The following LAMA2 variants were observed in gnomAD, a reference collection of about 807,000 sequenced individuals.
LAMA2 encodes the protein laminin subunit alpha 2.
Under a neutral mutation model 364.8 loss-of-function variants are expected in LAMA2, and 269 were observed. The ratio of observed to expected loss-of-function variants is 0.74; its 90% CI spans 0.67 to 0.82. The LOEUF (loss-of-function observed/expected upper bound fraction) is 0.82, where lower values mean the gene tolerates loss of function less well. LAMA2 is among the 40% of genes least tolerant of loss of function. The probability of loss-of-function intolerance (pLI) is 0.00; values close to 1 mark genes in which losing one functional copy is unlikely to be tolerated. For missense variants in LAMA2, 3,807 were observed against 3,873.2 expected (o/e 0.98, Z 0.45); for synonymous variants, 1,379 against 1,370.6 (o/e 1.01, Z -0.14).
intron 3 of LAMA2, among the ~76,000 whole-genome samples, chr6:129,090,561 C>T (rs1312430428): frequency 6.6e-6 from 1 of 152,100 alleles, no homozygotes; most frequent in Non-Finnish European, 1.5e-5. Flanking sequence ...TTTTAACTTC[C>T]TTGCAACTTA....
At chr6:129,320,202 A>C (rs910419720) in intron 27 of LAMA2, among the ~76,000 whole-genome samples, 18 of 152,174 alleles carry the variant, frequency 1.2e-4, no homozygotes, top group Middle Eastern at 3.4e-3. Context: ...AAATATATTA[A>C]GTGGAAGTGG....
intron 1 of LAMA2, among the ~76,000 whole-genome samples, chr6:129,029,949 C>G (rs1284835998): frequency 6.6e-6 from 1 of 152,116 alleles, no homozygotes; most frequent in African/African-American, 2.4e-5. Flanking sequence ...AAGGCCACCT[C>G]TGGTTCTCAG....
At chr6:129,483,733 G>A (rs1214979850) in intron 55 of LAMA2, among the ~76,000 whole-genome samples, 1 of 152,162 alleles carries the variant, frequency 6.6e-6, no homozygotes, top group Non-Finnish European at 1.5e-5. Context: ...GTAAAGTTTT[G>A]TATTGTGGAG....
At chr6:129,098,996 C>G (rs1314529569) in intron 4 of LAMA2, among the ~76,000 whole-genome samples, 1 of 152,112 alleles carries the variant, frequency 6.6e-6, no homozygotes, top group Non-Finnish European at 1.5e-5. Context: ...ATATGTTCTT[C>G]TCCAGTGTCT....
chr6:129,057,704 A>G (rs550434037), intron 2 of LAMA2, among the ~76,000 whole-genome samples: 1 of 152,338 alleles, frequency 6.6e-6, no homozygotes, highest in Non-Finnish European at 1.5e-5. Flanking sequence ...TGGTGGAGCC[A>G]GGAGGAATAT....
chr6:129,502,486 C>G (rs577479650), intron 58 of LAMA2, among the ~76,000 whole-genome samples, 173 bp from the exon 59 acceptor site: 74 of 152,310 alleles, frequency 4.9e-4, no homozygotes, highest in African/African-American at 1.6e-3. Flanking sequence ...CTGATTCACA[C>G]GCACTGAGCA....
rs191458160 is a variant in LAMA2 at position 128,987,458 on chromosome 6, G to A, written c.113-62460G>A. On this transcript the variant is annotated intron_variant, in intron 1 of 64. Coordinates refer to ENST00000421865, the MANE Select transcript of LAMA2 (RefSeq NM_000426.4). Reference sequence around the variant, plus strand: ...GCCCTGCCAGGATAGATTTCTAAAAGTGTGATTACTCAGTCAAAAGGTAAA... The same window carrying A: ...GCCCTGCCAGGATAGATTTCTAAAAATGTGATTACTCAGTCAAAAGGTAAA... Among the ~76,000 whole-genome samples, 53 of 152,182 alleles carry A rather than the reference G, an allele frequency of 3.5e-4. No individual in the cohort carries two copies. The East Asian group carries it at 4.8e-3, about 14-fold the overall frequency.
chr6:129,169,210 C>T (rs28873838), intron 9 of LAMA2, among the ~76,000 whole-genome samples: 365 of 148,904 alleles, frequency 2.5e-3, no homozygotes, highest in South Asian at 5.3e-3. Flanking sequence ...TGAATAGGAG[C>T]GGTGAGAGAG....
At chr6:129,455,550 C>T (rs185498334) in intron 47 of LAMA2, among the ~76,000 whole-genome samples, 3 of 152,100 alleles carry the variant, frequency 2.0e-5, no homozygotes, top group African/African-American at 7.2e-5. Flanking sequence ...CAAAGTGAGA[C>T]AGCAGTCAGG....
chr6:129,103,380 GAAT>G (rs757061754), intron 4 of LAMA2, among the ~76,000 whole-genome samples: 5 of 152,084 alleles, frequency 3.3e-5, no homozygotes, highest in African/African-American at 9.7e-5. Context: ...CTATCCCTAG[GAAT>G]AATATCTTAA....
chr6:129,418,446 T>G (rs1447540400), intron 40 of LAMA2, among the ~76,000 whole-genome samples: 1 of 152,024 alleles, frequency 6.6e-6, no homozygotes, highest in East Asian at 1.9e-4. Context: ...ATAGTCCAGA[T>G]TTTCAGAATT....
At chr6:128,988,895 T>C (rs2114655333) in intron 1 of LAMA2, among the ~76,000 whole-genome samples, 1 of 152,290 alleles carries the variant, frequency 6.6e-6, no homozygotes, top group Non-Finnish European at 1.5e-5. Flanking sequence ...CCTGGAAAGT[T>C]AAATGGAAAA....
Position 129,165,675 on chromosome 6 carries a change from G to C in LAMA2, c.1306G>C (p.Gly436Arg). 1 of 1,584,366 alleles carries C rather than the reference G, an allele frequency of 6.3e-7. No individual in the cohort carries two copies. Among genetic ancestry groups the C allele is most frequent in the Non-Finnish European group, 8.7e-7 (1 of 1,153,750 alleles). The change falls in exon 9 of 65, where the codon GGT becomes CGT. Residue 436 changes from glycine (G) to arginine (R), a missense_variant and splice_region_variant. Transcript: ENST00000421865. ...CAAGGATGAGAAACATGCTCGACGA[G>C]GTGAGAGCTGCAGCAGAATGTCACT... is the stretch of plus-strand genomic sequence containing the variant. ...CVKDEKHARR[G>R]LAPGSCHCKT... is the part of the protein sequence containing the mutation.
At chr6:129,262,078 G>A (rs980097061) in intron 15 of LAMA2, among the ~76,000 whole-genome samples, 1 of 151,894 alleles carries the variant, frequency 6.6e-6, no homozygotes, top group African/African-American at 2.4e-5. Context: ...CTCATCCTTT[G>A]CATTATCTTT....
At chr6:129,172,670 G>T (rs903013690) in intron 9 of LAMA2, among the ~76,000 whole-genome samples, 2 of 152,248 alleles carry the variant, frequency 1.3e-5, no homozygotes, top group African/African-American at 4.8e-5. Flanking sequence ...ACAGAGGCAG[G>T]CAGGCCTCCT....
intron 1 of LAMA2, among the ~76,000 whole-genome samples, chr6:128,894,585 T>G (rs1776651342): frequency 6.6e-6 from 1 of 152,348 alleles, no homozygotes; most frequent in South Asian, 2.1e-4. Flanking sequence ...AGCTTGCAGC[T>G]GAAAACAACT....
chr6:129,364,530 G>T (rs374254908), intron 32 of LAMA2, among the ~76,000 whole-genome samples: 6 of 152,246 alleles, frequency 3.9e-5, no homozygotes, highest in South Asian at 4.2e-4. Context: ...ACTCTGCAAT[G>T]CAAAACTAAA....
At chr6:129,116,236 G>T (rs182126346) in intron 4 of LAMA2, among the ~76,000 whole-genome samples, 5 of 152,112 alleles carry the variant, frequency 3.3e-5, no homozygotes, top group Admixed American at 3.3e-4. Flanking sequence ...AATAAAGTCT[G>T]TAAGTCCCAG....
At position 129,312,251 on chromosome 6, in the gene LAMA2, C is replaced by T. The variant is rs531446293; in HGVS notation, c.3175-610C>T. Among the ~76,000 whole-genome samples the T allele has an allele frequency of 7.3e-5, 11 of 151,684 alleles. No individual in the cohort carries two copies. In the South Asian group the frequency reaches 1.9e-3, roughly 26 times the overall value. ...TGTATACATCTTGGGCGAAGAAAAA[C>T]GTTACTAACAGAGACCTCAAATCAG... On this transcript the variant is annotated intron_variant, in intron 22 of 64. Transcript: ENST00000421865.
Sources: gnomAD v4.1 joint callset for allele counts (sites outside exome capture counted in the v4.1 genomes callset) on GRCh38, gnomAD v4.1.1 for gene constraint, MANE v1.5 for transcripts, NCBI Gene and HGNC (gene_info 2026-07-23, HGNC 2026-07-21) for gene names.